Variants in LCE1D observed in about 807,000 individuals in gnomAD.
LCE1D encodes late cornified envelope 1D, also known as late cornified envelope protein 1D.
For synonymous variants in LCE1D, 44 were observed against 65.0 expected, an observed-to-expected ratio of 0.68 and a Z score of 1.55; for missense variants, 86 against 164.4, an observed-to-expected ratio of 0.52 and a Z score of 2.61.
chr1:152,797,875 T>C lies in LCE1D; in HGVS notation c.81T>C (p.Pro27=), dbSNP rs770100367. 6 of 1,438,262 alleles carry C rather than the reference T, an allele frequency of 4.2e-6. 2 individuals carry two copies. Among genetic ancestry groups the C allele is most frequent in the South Asian group, 2.3e-5 (2 of 87,316 alleles). 89.1% of individuals were successfully genotyped at this position (1,438,262 alleles called of 1,614,324 possible). ...TPKCTPKCPA[P]KCPPKCPPVS... ...AGTGCACTCCCAAGTGCCCCGCCCC[T>C]AAATGTCCCCCTAAGTGCCCTCCAG... Residue 27 remains proline, a synonymous_variant, in exon 2 of 2, where the codon CCT becomes CCC. Coordinates refer to ENST00000326233, the MANE Select transcript of LCE1D (RefSeq NM_178352.3).
chr1:152,797,635 A>T, intron 1 of LCE1D, 138 bp from the exon 2 acceptor site: 1 of 654,756 alleles, frequency 1.5e-6, no homozygotes. Context: ...CTTGAAAAAG[A>T]TGATGTGAGA....
In LCE1D at chr1:152,797,848, C is replaced by A; in HGVS notation, c.54C>A (p.Pro18=). The A allele has an allele frequency of 2.8e-6, 4 of 1,438,902 alleles. No individual in the cohort carries two copies. In the South Asian group the frequency reaches 4.6e-5, roughly 16 times the overall value. 89.1% of individuals were successfully genotyped at this position (1,438,902 alleles called of 1,614,324 possible). ...GCCAGCCCCCTCCCAAGTGCACTCCCAAGTGCACTCCCAAGTGCCCCGCCC... is the reference window on the plus strand; with the variant it reads ...GCCAGCCCCCTCCCAAGTGCACTCCAAAGTGCACTCCCAAGTGCCCCGCCC... ...QQCQPPPKCT[P]KCTPKCPAPK... is the part of the protein sequence containing the mutation. Residue 18 remains proline (P), a synonymous_variant, in exon 2 of 2, where the codon CCC becomes CCA. Transcript: ENST00000326233.
rs756926551 is a variant in LCE1D at position 152,797,776 on chromosome 1, C to A, written c.-19C>A. On this transcript the variant is annotated 5_prime_UTR_variant, in exon 2 of 2. In the 5' UTR this introduces an upstream ATG that the reference lacks. Transcript: ENST00000326233. ...TTGTTATTTGACTCTCCCTCAGCTC[C>A]TGAACACCCACCACCGAGATGTCCT... is the stretch of plus-strand genomic sequence containing the variant. 9.1e-6 allele frequency: 13 copies of A among 1,426,046 alleles called. 2 individuals carry two copies. The African/African-American group carries it at 2.0e-4, about 22-fold the overall frequency. 88.3% of individuals were successfully genotyped at this position (1,426,046 alleles called of 1,614,324 possible).
chr1:152,797,133 A>T (rs1459272482), intron 1 of LCE1D, among the ~76,000 whole-genome samples: 3 of 134,842 alleles, frequency 2.2e-5, no homozygotes, highest in African/African-American at 8.0e-5. Context: ...TGGACATGGG[A>T]CTAAAGACTC....
At chr1:152,797,586 T>C (rs192392205) in intron 1 of LCE1D, among the ~76,000 whole-genome samples, 187 bp from the exon 2 acceptor site, 3 of 135,576 alleles carry the variant, frequency 2.2e-5, no homozygotes, top group African/African-American at 5.3e-5. Context: ...TGCAATATTG[T>C]TTAGTCTTAG....
rs1481361569 is a variant in LCE1D at position 152,798,016 on chromosome 1, C to A, written c.222C>A (p.Ser74Arg). The change falls in exon 2 of 2, where the codon AGC (serine) becomes AGA (arginine). Residue 74 changes from serine to arginine, a missense_variant. Transcript: ENST00000326233. ...CTGGGGGTGGTGGCTGCTGCCTGAG[C>A]CACCACAGGCGCCACAGGTCCCACC... Reference protein sequence around the residue: ...CSSGGGGCCLSHHRRHRSHRR... With the variant: ...CSSGGGGCCLRHHRRHRSHRR... 1 of 1,439,476 alleles carries A rather than the reference C, an allele frequency of 6.9e-7. No homozygotes were observed. The highest frequency in any genetic ancestry group is 9.7e-7 in the Non-Finnish European group (1 of 1,034,072). 89.2% of individuals were successfully genotyped at this position (1,439,476 alleles called of 1,614,324 possible).
Position 152,797,391 on chromosome 1 carries a change from T to C in LCE1D, c.-22-382T>C, listed in dbSNP as rs1286424482. ...ACTGACCTAGTAGTCTCCAAGATCC[T>C]GCACAATGCTGACCTTCCAAAGTAA... On this transcript the variant is annotated intron_variant, in intron 1 of 1. Transcript: ENST00000326233. Among the ~76,000 whole-genome samples the C allele has an allele frequency of 5.9e-5, 8 of 135,678 alleles. 1 individual carries two copies. Among genetic ancestry groups the C allele is most frequent in the African/African-American group, 1.8e-4 (7 of 38,040 alleles). The allele number at this position is 135,678 out of a possible 152,430, so 89.0% of individuals were successfully genotyped here.
rs538440485 is a variant in LCE1D, at chr1:152,797,869, C to T, written c.75C>T (p.Pro25=). The change falls in exon 2 of 2, where the codon CCC becomes CCT. Residue 25 remains proline, a synonymous_variant. Coordinates refer to ENST00000326233, the MANE Select transcript of LCE1D (RefSeq NM_178352.3). ...CTCCCAAGTGCACTCCCAAGTGCCCCGCCCCTAAATGTCCCCCTAAGTGCC... is the reference window on the plus strand; with the variant it reads ...CTCCCAAGTGCACTCCCAAGTGCCCTGCCCCTAAATGTCCCCCTAAGTGCC... The part of the protein sequence containing the change: ...KCTPKCTPKC[P]APKCPPKCPP... 6.1e-5 allele frequency: 88 copies of T among 1,439,374 alleles called. 20 individuals carry two copies. Among genetic ancestry groups the T allele is most frequent in the Middle Eastern group, 3.8e-4 (2 of 5,234 alleles). 89.2% of individuals were successfully genotyped at this position (1,439,374 alleles called of 1,614,324 possible).
chr1:152,797,163 A>G (rs1384684958), intron 1 of LCE1D, among the ~76,000 whole-genome samples: 2 of 135,118 alleles, frequency 1.5e-5, no homozygotes, highest in African/African-American at 5.3e-5. Flanking sequence ...TATGAACCCC[A>G]CATTTTCATG....
chr1:152,796,760 C>A lies in LCE1D; in HGVS notation c.-34C>A. On this transcript the variant is annotated 5_prime_UTR_variant, in exon 1 of 2. Transcript: ENST00000326233. ...TGAGGTGCTAAAGAACCCTGTGCTG[C>A]CTGTGACTCCGGTAAGAACAGAGCA... is the stretch of plus-strand genomic sequence containing the variant. The A allele has an allele frequency of 7.3e-6, 1 of 136,894 alleles. No homozygotes were observed. Among genetic ancestry groups the A allele is most frequent in the Non-Finnish European group, 1.7e-5 (1 of 59,358 alleles). 8.5% of individuals were successfully genotyped at this position (136,894 alleles called of 1,614,324 possible).
Position 152,797,625 on chromosome 1 carries a change from C to G in LCE1D, c.-22-148C>G, listed in dbSNP as rs544831116. The stretch of plus-strand genomic sequence containing the variant: ...ACAGTTGTCTGACATCCAAAGATAT[C>G]TTGAAAAAGATGATGTGAGATTTTG... On this transcript the variant is annotated intron_variant, in intron 1 of 1. Coordinates refer to ENST00000326233, the MANE Select transcript of LCE1D (RefSeq NM_178352.3). 2.8e-5 allele frequency: 18 copies of G among 636,102 alleles called. 3 individuals carry two copies. In the African/African-American group the frequency reaches 3.2e-4, roughly 11 times the overall value. The allele number at this position is 636,102 out of a possible 1,614,324, so 39.4% of individuals were successfully genotyped here. A position where few individuals can be genotyped will look rare whatever the true frequency, so the allele number is the denominator to read the frequency against.
In LCE1D at chr1:152,798,117, A is replaced by G; in HGVS notation, c.323A>G (p.Gln108Arg). 1 of 1,404,576 alleles carries G rather than the reference A, an allele frequency of 7.1e-7. No individual in the cohort carries two copies. The highest frequency in any genetic ancestry group is 9.8e-7 in the Non-Finnish European group (1 of 1,015,604). 87.0% of individuals were successfully genotyped at this position (1,404,576 alleles called of 1,614,324 possible). The part of the protein sequence containing the change: ...GSSCCGGGSS[Q>R]HSGGCC ...AGCTGCTGCGGTGGGGGCAGCAGCC[A>G]GCACTCTGGAGGCTGCTGCTGAAGT... The change falls in exon 2 of 2, where the codon CAG becomes CGG. Residue 108 changes from glutamine (Q) to arginine (R), a missense_variant. Coordinates refer to ENST00000326233, the MANE Select transcript of LCE1D (RefSeq NM_178352.3).
In LCE1D at chr1:152,797,655, A is replaced by T. The variant is rs1652094489; in HGVS notation, c.-22-118A>T. The T allele has an allele frequency of 5.5e-6, 4 of 726,340 alleles. 1 individual carries two copies. The highest frequency in any genetic ancestry group is 9.2e-6 in the Non-Finnish European group (4 of 435,718). The allele number at this position is 726,340 out of a possible 1,614,324, so 45.0% of individuals were successfully genotyped here. ...AAAAGATGATGTGAGATTTTGAGGAAATTATTGGAAATAAAACTACTGAAG... is the reference window on the plus strand; with the variant it reads ...AAAAGATGATGTGAGATTTTGAGGATATTATTGGAAATAAAACTACTGAAG... On this transcript the variant is annotated intron_variant, in intron 1 of 1. Transcript: ENST00000326233.
At chr1:152,796,916 G>C (rs1652082362) in intron 1 of LCE1D, 145 bp downstream of exon 1, 1 of 136,802 alleles carries the variant, frequency 7.3e-6, no homozygotes, top group Admixed American at 7.2e-5. Context: ...CTAACTGGGA[G>C]CAGGAAGGAA....
chr1:152,797,953 G>A lies in LCE1D; in HGVS notation c.159G>A (p.Gly53=). 2.0e-6 allele frequency: 3 copies of A among 1,488,516 alleles called. No homozygotes were observed. Among genetic ancestry groups the A allele is most frequent in the Non-Finnish European group, 1.9e-6 (2 of 1,079,186 alleles). The allele number at this position is 1,488,516 out of a possible 1,614,324, so 92.2% of individuals were successfully genotyped here. ...GAGGCTGCTGTGGCTCCAGCTCTGG[G>A]GGCGGCTGTGGCTCCAACTCTGGGG... ...SSGGCCGSSS[G]GGCGSNSGGC... is the part of the protein sequence containing the mutation. Residue 53 remains glycine (G), a synonymous_variant, in exon 2 of 2, where the codon GGG becomes GGA. Coordinates refer to ENST00000326233, the MANE Select transcript of LCE1D (RefSeq NM_178352.3).
In LCE1D at chr1:152,797,997, G is replaced by C; in HGVS notation, c.203G>C (p.Gly68Ala). ...SNSGGCCSSG[G>A]GGCCLSHHRR... Reference sequence around the variant, plus strand: ...TCTGGGGGCTGCTGCAGCTCTGGGGGTGGTGGCTGCTGCCTGAGCCACCAC... The same window carrying C: ...TCTGGGGGCTGCTGCAGCTCTGGGGCTGGTGGCTGCTGCCTGAGCCACCAC... The change falls in exon 2 of 2, where the codon GGT becomes GCT. Residue 68 changes from glycine to alanine, a missense_variant. By Grantham distance (60) the Gly-to-Ala change is moderately conservative (BLOSUM62 0). Transcript: ENST00000326233. 6.9e-7 allele frequency: 1 copy of C among 1,440,332 alleles called. No homozygotes were observed. Among genetic ancestry groups the C allele is most frequent in the Non-Finnish European group, 9.7e-7 (1 of 1,034,508 alleles). The allele number at this position is 1,440,332 out of a possible 1,614,324, so 89.2% of individuals were successfully genotyped here.
Position 152,797,218 on chromosome 1 carries a change from C to A in LCE1D, c.-23+447C>A, listed in dbSNP as rs1442900097. Among the ~76,000 whole-genome samples the A allele has an allele frequency of 5.2e-5, 7 of 135,374 alleles. 3 individuals carry two copies. Among genetic ancestry groups the A allele is most frequent in the Non-Finnish European group, 1.2e-4 (7 of 58,778 alleles). The allele number at this position is 135,374 out of a possible 152,430, so 88.8% of individuals were successfully genotyped here. On this transcript the variant is annotated intron_variant, in intron 1 of 1. Transcript: ENST00000326233. ...AACTTCCCAGCTTGGTTAGGACACA[C>A]CAAGCCTGAGACCCACCGTGTCATC...
In LCE1D at chr1:152,797,819, C is replaced by T. The variant is rs771170510; in HGVS notation, c.25C>T (p.Gln9Ter). MSCQQSQQ[Q>*]CQPPPKCTPK... ...GATGTCCTGCCAGCAGAGCCAGCAG[C>T]AGTGCCAGCCCCCTCCCAAGTGCAC... Residue 9 changes from glutamine (Q) to a stop codon, truncating the protein, a stop_gained, in exon 2 of 2, where the codon CAG becomes TAG. Transcript: ENST00000326233. LOFTEE classifies it high-confidence loss of function. 17 of 1,438,462 alleles carry T rather than the reference C, an allele frequency of 1.2e-5. 5 individuals carry two copies. The highest frequency in any genetic ancestry group is 6.9e-5 in the South Asian group (6 of 87,260). 89.1% of individuals were successfully genotyped at this position (1,438,462 alleles called of 1,614,324 possible).
At chr1:152,796,839 G>A (rs1406085662) in intron 1 of LCE1D, 68 bp downstream of exon 1, 1 of 137,018 alleles carries the variant, frequency 7.3e-6, no homozygotes, top group Non-Finnish European at 1.7e-5. Context: ...CCGGGGCTAG[G>A]GCCATGTTGT....
Sources: allele counts gnomAD v4.1 joint callset (sites outside exome capture counted in the v4.1 genomes callset), GRCh38; gene constraint gnomAD v4.1.1; transcripts MANE v1.5; gene names NCBI Gene and HGNC (gene_info 2026-07-23, HGNC 2026-07-21).